Variants in SPAG16 observed in about 807,000 individuals in gnomAD.
The protein encoded by SPAG16 is sperm associated antigen 16.
Under a neutral mutation model 80.4 loss-of-function variants are expected in SPAG16, and 86 were observed. That is an observed-to-expected ratio of 1.07 (90% confidence interval 0.90 to 1.28). The LOEUF (loss-of-function observed/expected upper bound fraction) is 1.28, where lower values mean the gene tolerates loss of function less well. SPAG16 is among the 50% of genes most tolerant of loss of function. The pLI is 0.00. For missense variants in SPAG16, 870 were observed against 765.3 expected (o/e 1.14, Z -1.61); for synonymous variants, 294 against 265.9 (o/e 1.11, Z -1.03).
intron 10 of SPAG16, among the ~76,000 whole-genome samples, chr2:213,624,614 T>C (rs561450740): frequency 6.6e-6 from 1 of 152,348 alleles, no homozygotes; most frequent in African/African-American, 2.4e-5. Context: ...ACTGGTAAGT[T>C]ACAGAGCTGC....
rs556079477 is a variant in SPAG16 at position 214,349,074 on chromosome 2, T to C, written c.1721-61066T>C. ...TCAGTAATGTCTTGGTATCCCACTT[T>C]ATTATTATTCAATATTATCATGGCT... is the stretch of plus-strand genomic sequence containing the variant. On this transcript the variant is annotated intron_variant, in intron 15 of 15. Transcript: ENST00000331683. Among the ~76,000 whole-genome samples the C allele has an allele frequency of 1.2e-4, 18 of 152,334 alleles. No individual in the cohort carries two copies. The East Asian group carries it at 3.3e-3, about 28-fold the overall frequency.
chr2:214,144,817 A>G (rs1431386083), intron 14 of SPAG16, among the ~76,000 whole-genome samples: 1 of 152,114 alleles, frequency 6.6e-6, no homozygotes, highest in East Asian at 1.9e-4. Flanking sequence ...AGCAAGTTGA[A>G]CCAAGAAACT....
intron 15 of SPAG16, among the ~76,000 whole-genome samples, chr2:214,193,598 C>T (rs2057736832): frequency 6.6e-6 from 1 of 151,802 alleles, no homozygotes; most frequent in Admixed American, 6.6e-5. Flanking sequence ...TTTTCTGAAT[C>T]CAGTTCATCA....
intron 10 of SPAG16, among the ~76,000 whole-genome samples, chr2:213,629,584 T>G (rs950609276): frequency 6.6e-6 from 1 of 152,238 alleles, no homozygotes; most frequent in African/African-American, 2.4e-5. Context: ...TCCTGAGGAA[T>G]GAGTACAATT....
intron 10 of SPAG16, among the ~76,000 whole-genome samples, chr2:213,539,552 C>G (rs541499756): frequency 6.6e-6 from 1 of 152,140 alleles, no homozygotes; most frequent in East Asian, 1.9e-4. Flanking sequence ...ACCCATCAGA[C>G]CTATTTGGTG....
At chr2:214,012,327 G>A (rs1254602994) in intron 12 of SPAG16, among the ~76,000 whole-genome samples, 3 of 105,136 alleles carry the variant, frequency 2.9e-5, no homozygotes, top group African/African-American at 7.7e-5. Context: ...AGGGCATCTC[G>A]CTCTGTCACC....
At chr2:213,543,979 C>A (rs935830843) in intron 10 of SPAG16, among the ~76,000 whole-genome samples, 1 of 151,958 alleles carries the variant, frequency 6.6e-6, no homozygotes, top group Non-Finnish European at 1.5e-5. Context: ...AGAAGCTTTG[C>A]GTATTTCTCA....
At chr2:213,978,554 A>G (rs1216329141) in intron 12 of SPAG16, among the ~76,000 whole-genome samples, 1 of 152,056 alleles carries the variant, frequency 6.6e-6, no homozygotes, top group Admixed American at 6.6e-5. Context: ...ACTACTTCCA[A>G]TTTCTAAATT....
intron 11 of SPAG16, among the ~76,000 whole-genome samples, chr2:213,928,282 C>T (rs558432085): frequency 2.7e-5 from 4 of 150,346 alleles, no homozygotes; most frequent in Admixed American, 6.6e-5. Context: ...TTAGTAGAGA[C>T]GGGGTTTCAC....
chr2:214,196,429 C>T (rs1043307010), intron 15 of SPAG16, among the ~76,000 whole-genome samples: 3 of 152,042 alleles, frequency 2.0e-5, no homozygotes, highest in Non-Finnish European at 4.4e-5. Flanking sequence ...ATAGTAGACA[C>T]AGAGGCCATC....
intron 9 of SPAG16, among the ~76,000 whole-genome samples, chr2:213,489,505 TAATC>T (rs767192815): frequency 2.6e-4 from 39 of 152,256 alleles, no homozygotes; most frequent in Non-Finnish European, 4.6e-4. Flanking sequence ...AAGAAAATCA[TAATC>T]AATCAATTAG....
In SPAG16 at chr2:214,306,720, A is replaced by G. The variant is rs147903303; in HGVS notation, c.1721-103420A>G. On this transcript the variant is annotated intron_variant, in intron 15 of 15. Coordinates refer to ENST00000331683, the MANE Select transcript of SPAG16 (RefSeq NM_024532.5). ...TGAACTTGCATGCATCTCAGGGATA[A>G]TGCTGACTTGATCTTGGTGGACAAA... 1.4e-3 allele frequency among the ~76,000 whole-genome samples: 217 copies of G among 152,272 alleles called. 4 individuals carry two copies. In the South Asian group the frequency reaches 0.015, roughly 11 times the overall value.
At chr2:214,120,395 A>G (rs578127007) in intron 14 of SPAG16, among the ~76,000 whole-genome samples, 6 of 151,736 alleles carry the variant, frequency 4.0e-5, no homozygotes, top group Non-Finnish European at 7.4e-5. Context: ...TCCTTGTTTC[A>G]TTATGTCTAG....
chr2:214,122,470 A>G (rs184040209), intron 14 of SPAG16, among the ~76,000 whole-genome samples: 3 of 152,016 alleles, frequency 2.0e-5, no homozygotes, highest in Non-Finnish European at 4.4e-5. Context: ...TAAAAAAGTG[A>G]TCCTGTCTCC....
intron 10 of SPAG16, among the ~76,000 whole-genome samples, chr2:213,830,624 T>G (rs1438389877): frequency 1.3e-5 from 2 of 152,202 alleles, no homozygotes; most frequent in Admixed American, 6.6e-5. Flanking sequence ...ATTATTTTCA[T>G]GTAAAATGTG....
intron 15 of SPAG16, chr2:214,238,976 T>G (rs1042717495): frequency 5.9e-5 from 9 of 152,202 alleles, no homozygotes; most frequent in Non-Finnish European, 1.5e-5. Flanking sequence ...GTTATAGTTC[T>G]GAAATAGTTA....
At chr2:214,182,617 A>T (rs2057342633) in intron 15 of SPAG16, among the ~76,000 whole-genome samples, 1 of 151,914 alleles carries the variant, frequency 6.6e-6, no homozygotes, top group Non-Finnish European at 1.5e-5. Context: ...TAATCCTTTC[A>T]TGGCTGTTAC....
intron 15 of SPAG16, among the ~76,000 whole-genome samples, chr2:214,286,300 T>C (rs1195668499): frequency 6.6e-6 from 1 of 151,996 alleles, no homozygotes; most frequent in Non-Finnish European, 1.5e-5. Context: ...GTACTTGAAA[T>C]TTGCTAAGCT....
chr2:213,651,876 G>A (rs894811000), intron 10 of SPAG16, among the ~76,000 whole-genome samples: 2 of 152,010 alleles, frequency 1.3e-5, no homozygotes, highest in Non-Finnish European at 2.9e-5. Context: ...CAATCATGTG[G>A]AAAATACAAA....
Sources: allele counts gnomAD v4.1 joint callset (sites outside exome capture counted in the v4.1 genomes callset), GRCh38; gene constraint gnomAD v4.1.1; transcripts MANE v1.5; gene names NCBI Gene and HGNC (gene_info 2026-07-23, HGNC 2026-07-21).